The following RNLS variants were observed in gnomAD, a reference collection of about 807,000 sequenced individuals.
The protein encoded by RNLS is renalase, FAD dependent amine oxidase, also known as renalase.
RNLS carries 39 observed loss-of-function variants against 39.8 expected under a neutral mutation model. The observed-to-expected ratio is 0.98, with a 90% CI of 0.76 to 1.28. The LOEUF (loss-of-function observed/expected upper bound fraction) is 1.28. Among genes scored for constraint, RNLS ranks in the 50% most tolerant of loss-of-function variants. The probability of loss-of-function intolerance (pLI) is 0.00; values close to 1 mark genes in which losing one functional copy is unlikely to be tolerated. For synonymous variants in RNLS, 147 were observed against 150.7 expected (o/e 0.98, Z 0.18); for missense variants, 410 against 413.3 (o/e 0.99, Z 0.07).
chr10:88,386,544 T>C (rs1851868094), intron 4 of RNLS, among the ~76,000 whole-genome samples: 1 of 152,224 alleles, frequency 6.6e-6, no homozygotes, highest in African/African-American at 2.4e-5. Context: ...TTGTTAGCTA[T>C]TTTTCCTTAT....
intron 4 of RNLS, among the ~76,000 whole-genome samples, chr10:88,477,415 T>C (rs571813822): frequency 2.4e-4 from 37 of 152,098 alleles, no homozygotes; most frequent in African/African-American, 8.4e-4. Context: ...GAGAGAAAGA[T>C]GGTGAAGACA....
At chr10:88,222,751 C>T in the RNLS span, among the ~76,000 whole-genome samples, 1 of 152,248 alleles carries the variant, frequency 6.6e-6, no homozygotes, top group African/African-American at 2.4e-5. Flanking sequence ...ACAAATATGA[C>T]AGGATCTGTC....
the RNLS span, among the ~76,000 whole-genome samples, chr10:88,258,077 T>C: frequency 1.3e-5 from 2 of 152,220 alleles, no homozygotes; most frequent in African/African-American, 4.8e-5. Context: ...TTGACCTCTG[T>C]GGGTGCCAGT....
At chr10:88,246,664 C>G in the RNLS span, among the ~76,000 whole-genome samples, 1 of 151,944 alleles carries the variant, frequency 6.6e-6, no homozygotes, top group Non-Finnish European at 1.5e-5. Flanking sequence ...CCCACTCTCT[C>G]TCACGGCTAG....
intron 4 of RNLS, among the ~76,000 whole-genome samples, chr10:88,445,326 C>T (rs1841969143): frequency 6.6e-6 from 1 of 152,186 alleles, no homozygotes; most frequent in Non-Finnish European, 1.5e-5. Flanking sequence ...AAGCACTAAA[C>T]ATGGAAAGGA....
chr10:88,518,376 A>C (rs113238931), intron 4 of RNLS, among the ~76,000 whole-genome samples: 10 of 152,024 alleles, frequency 6.6e-5, no homozygotes, highest in African/African-American at 2.2e-4. Flanking sequence ...GAAGGAAAAA[A>C]ATTCTGTCAA....
chr10:88,531,102 TGTCCCTAAAGCCACTG>T (rs903036866), intron 4 of RNLS, among the ~76,000 whole-genome samples: 27 of 152,280 alleles, frequency 1.8e-4, no homozygotes, highest in African/African-American at 6.5e-4. Context: ...TCTCAGTGAA[TGTCCCTAAAGCCACTG>T]GTCCCAATAT....
In RNLS at chr10:88,529,797, ATTG is replaced by A. The variant is rs570688478; in HGVS notation, c.526+43103_526+43105del. ...TCACTCAGCCTTAACAAATCTGAAC[ATTG>A]TTATTTTTGTTCATACAATATATTG... On this transcript the variant is annotated intron_variant, in intron 4 of 6. Coordinates refer to ENST00000331772, the MANE Select transcript of RNLS (RefSeq NM_001031709.3). 1.1e-4 allele frequency among the ~76,000 whole-genome samples: 16 copies of A among 152,336 alleles called. No homozygotes were observed. In the East Asian group the frequency reaches 3.1e-3, roughly 29 times the overall value.
At chr10:88,213,604 G>A in the RNLS span, among the ~76,000 whole-genome samples, 2 of 151,952 alleles carry the variant, frequency 1.3e-5, no homozygotes, top group African/African-American at 2.4e-5. Flanking sequence ...TGCCAGAGCC[G>A]CCATCTTGAA....
intron 6 of RNLS, among the ~76,000 whole-genome samples, chr10:88,304,844 C>T (rs944572916): frequency 6.6e-6 from 1 of 151,958 alleles, no homozygotes; most frequent in Non-Finnish European, 1.5e-5. Context: ...TACAGAGAAC[C>T]CTAGTAAGAT....
rs573294569 is a variant in RNLS at position 88,582,931 on chromosome 10, G to C, written c.118+142C>G. ...CACGTGACGAGGCGCGCCACTCGGC[G>C]CATGGGCCGCGCTACACGGCCGCTC... On this transcript the variant is annotated intron_variant, in intron 1 of 6. Coordinates refer to ENST00000331772, the MANE Select transcript of RNLS (RefSeq NM_001031709.3). 8.3e-6 allele frequency: 8 copies of C among 967,032 alleles called. No homozygotes were observed. In the South Asian group the frequency reaches 1.7e-4, roughly 21 times the overall value. 59.9% of individuals were successfully genotyped at this position (967,032 alleles called of 1,614,324 possible). A position where few individuals can be genotyped will look rare whatever the true frequency, so the allele number is the denominator to read the frequency against.
intron 4 of RNLS, among the ~76,000 whole-genome samples, chr10:88,392,554 G>A (rs1024624910): frequency 6.6e-6 from 1 of 152,180 alleles, no homozygotes; most frequent in African/African-American, 2.4e-5. Context: ...CCAATCATTA[G>A]CTGAACACTA....
At chr10:88,500,715 T>C (rs1306222624) in intron 4 of RNLS, among the ~76,000 whole-genome samples, 1 of 152,160 alleles carries the variant, frequency 6.6e-6, no homozygotes, top group Non-Finnish European at 1.5e-5. Context: ...TAACTTTCGA[T>C]CATTAGTGTT....
chr10:88,190,939 C>T, the RNLS span, among the ~76,000 whole-genome samples: 14,621 of 152,240 alleles, frequency 0.096, 762 homozygotes, highest in African/African-American at 0.14. Context: ...CCAGGGCAGA[C>T]GGAAGCCCCC....
the RNLS span, among the ~76,000 whole-genome samples, chr10:88,233,696 C>T: frequency 6.6e-6 from 1 of 152,112 alleles, no homozygotes; most frequent in Non-Finnish European, 1.5e-5. Context: ...GAAACTTTGT[C>T]AGTTTTGGAC....
At chr10:88,174,807 T>G in the RNLS span, among the ~76,000 whole-genome samples, 2 of 152,180 alleles carry the variant, frequency 1.3e-5, no homozygotes, top group East Asian at 3.8e-4. Context: ...CCTCTTAAAT[T>G]TTTTGGAATA....
chr10:88,581,626 C>G lies in RNLS; in HGVS notation c.308G>C (p.Cys103Ser), dbSNP rs760447767. The G allele has an allele frequency of 1.2e-6, 2 of 1,609,370 alleles. No individual in the cohort carries two copies. Among genetic ancestry groups the G allele is most frequent in the Non-Finnish European group, 8.5e-7 (1 of 1,177,806 alleles). The stretch of plus-strand genomic sequence containing the variant: ...AATTCCTTGAGGTGCCACAAAGTTA[C>G]AGTCTCCTTCTTTCATCACCATTCC... ...IEGMVMKEGD[C>S]NFVAPQGISS... The change falls in exon 3 of 7, where the codon TGT becomes TCT. Residue 103 changes from cysteine (C) to serine (S), a missense_variant. Cys to Ser is a moderately radical substitution (Grantham distance 112, BLOSUM62 -1). Transcript: ENST00000331772.
intron 4 of RNLS, among the ~76,000 whole-genome samples, chr10:88,471,080 G>A (rs780459730): frequency 6.6e-6 from 1 of 151,954 alleles, no homozygotes; most frequent in Non-Finnish European, 1.5e-5. Flanking sequence ...CTCAATGTTT[G>A]TCTAAGTAAA....
At chr10:88,373,730 ATAT>A (rs891079966) in intron 4 of RNLS, among the ~76,000 whole-genome samples, 13 of 152,032 alleles carry the variant, frequency 8.6e-5, no homozygotes, top group African/African-American at 2.9e-4. Context: ...CTTTGTTTCC[ATAT>A]TATTATCTTT....
Sources: allele counts gnomAD v4.1 joint callset (sites outside exome capture counted in the v4.1 genomes callset), GRCh38; gene constraint gnomAD v4.1.1; transcripts MANE v1.5; gene names NCBI Gene and HGNC (gene_info 2026-07-23, HGNC 2026-07-21).